The following GRID2 variants were observed in gnomAD, a reference collection of about 807,000 sequenced individuals.
The protein encoded by GRID2 is glutamate receptor ionotropic, delta-2.
In GRID2, 33 loss-of-function variants were observed where a neutral mutation model predicts 114.8. That is an observed-to-expected ratio of 0.29 (90% CI 0.22 to 0.38). GRID2 has a LOEUF of 0.38. Ranked by LOEUF, GRID2 falls within the 10% of genes least tolerant of loss-of-function variation. The pLI, the probability that GRID2 is intolerant of heterozygous loss-of-function variation, is 1.00. For synonymous variants in GRID2, 505 were observed against 449.9 expected (o/e 1.12, Z -1.55); for missense variants, 1,184 against 1,257.7 (o/e 0.94, Z 0.89).
intron 1 of GRID2, among the ~76,000 whole-genome samples, chr4:92,577,870 G>A: frequency 6.6e-6 from 1 of 152,026 alleles, no homozygotes; most frequent in East Asian, 1.9e-4. Context: ...AGGAGCTGAT[G>A]AATGGTTAGA....
intron 4 of GRID2, among the ~76,000 whole-genome samples, chr4:93,191,133 A>G (rs534019390): frequency 6.6e-6 from 1 of 152,196 alleles, no homozygotes; most frequent in Non-Finnish European, 1.5e-5. Context: ...TAGAAGGATG[A>G]AGAAGCACGT....
At chr4:93,042,132 T>G (rs2149269633) in intron 2 of GRID2, among the ~76,000 whole-genome samples, 1 of 152,104 alleles carries the variant, frequency 6.6e-6, no homozygotes, top group African/African-American at 2.4e-5. Flanking sequence ...CTCAATCTTC[T>G]GACCTCGTGA....
chr4:93,788,436 G>A (rs932564802), intron 1 of GRID2, among the ~76,000 whole-genome samples: 1 of 151,922 alleles, frequency 6.6e-6, no homozygotes, highest in African/African-American at 2.4e-5. Flanking sequence ...AAAAAGATAA[G>A]TATGAATATC....
intron 2 of GRID2, among the ~76,000 whole-genome samples, chr4:92,910,189 T>C (rs1280222182): frequency 1.3e-5 from 2 of 151,600 alleles, no homozygotes; most frequent in South Asian, 4.1e-4. Flanking sequence ...ATTTACCCTA[T>C]AGGAGTGGTT....
At chr4:93,101,139 T>C (rs1002053916) in intron 3 of GRID2, among the ~76,000 whole-genome samples, 3 of 152,134 alleles carry the variant, frequency 2.0e-5, no homozygotes, top group Admixed American at 6.6e-5. Flanking sequence ...GTTTCTTAAA[T>C]TTTTAACATT....
At chr4:92,540,091 A>G (rs980798368) in intron 1 of GRID2, among the ~76,000 whole-genome samples, 6 of 152,204 alleles carry the variant, frequency 3.9e-5, no homozygotes, top group Non-Finnish European at 7.3e-5. Context: ...CTGGCTAGCC[A>G]TATGTAGAAA....
intron 8 of GRID2, among the ~76,000 whole-genome samples, chr4:93,359,661 G>T (rs1400996789): frequency 6.7e-6 from 1 of 150,248 alleles, no homozygotes; most frequent in South Asian, 2.1e-4. Context: ...GTGAGAACAT[G>T]TGATGTTTAT....
At chr4:92,854,173 G>A (rs1426307952) in intron 2 of GRID2, among the ~76,000 whole-genome samples, 1 of 151,854 alleles carries the variant, frequency 6.6e-6, no homozygotes, top group East Asian at 1.9e-4. Context: ...GTAGCCATAT[G>A]CAAAAACTCA....
At chr4:93,615,072 C>T (rs1000777800) in intron 13 of GRID2, among the ~76,000 whole-genome samples, 1 of 152,138 alleles carries the variant, frequency 6.6e-6, no homozygotes, top group African/African-American at 2.4e-5. Flanking sequence ...ATTCTGGTGT[C>T]ATTCCAATGT....
intron 11 of GRID2, among the ~76,000 whole-genome samples, chr4:93,483,747 A>T (rs1432630294): frequency 2.6e-5 from 4 of 151,898 alleles, no homozygotes; most frequent in African/African-American, 9.7e-5. Flanking sequence ...GGTCAAGAGG[A>T]TTTTCCTTAA....
At chr4:93,443,557 A>G (rs555792677) in intron 10 of GRID2, among the ~76,000 whole-genome samples, 3 of 152,100 alleles carry the variant, frequency 2.0e-5, no homozygotes, top group South Asian at 4.1e-4. Flanking sequence ...TTGTTCACCT[A>G]TAATCTCAGG....
At chr4:93,371,982 A>C (rs1026032610) in intron 8 of GRID2, among the ~76,000 whole-genome samples, 15 of 151,906 alleles carry the variant, frequency 9.9e-5, no homozygotes, top group Non-Finnish European at 1.6e-4. Flanking sequence ...TCTTGACCTC[A>C]TGATCTGCCA....
intron 12 of GRID2, among the ~76,000 whole-genome samples, chr4:93,505,862 A>C (rs1241122277): frequency 6.6e-6 from 1 of 152,104 alleles, no homozygotes; most frequent in African/African-American, 2.4e-5. Context: ...ATGATGTGAC[A>C]CAATTAGTTT....
rs147874529 is a variant in GRID2, at chr4:92,381,861, G to A, written c.88+77117G>A. 3.9e-3 allele frequency among the ~76,000 whole-genome samples: 587 copies of A among 152,040 alleles called. 1 individual carries two copies. The highest frequency in any genetic ancestry group is 0.012 in the African/African-American group (497 of 41,512). On this transcript the variant is annotated intron_variant, in intron 1 of 15. Transcript: ENST00000282020. The stretch of plus-strand genomic sequence containing the variant: ...TTTTAATTTTGGCAATGATTAGTTA[G>A]CATCCCACTTCATTTCATACTTAGT...
intron 13 of GRID2, among the ~76,000 whole-genome samples, chr4:93,589,098 T>A (rs1316879430): frequency 6.6e-6 from 1 of 152,024 alleles, no homozygotes; most frequent in Non-Finnish European, 1.5e-5. Flanking sequence ...ATGGGCACAT[T>A]GTGCAGGTTA....
intron 2 of GRID2, among the ~76,000 whole-genome samples, chr4:92,784,557 G>C: frequency 6.6e-6 from 1 of 151,520 alleles, no homozygotes; most frequent in Non-Finnish European, 1.5e-5. Context: ...AAATTCTGAG[G>C]TTAAAAATTA....
intron 4 of GRID2, among the ~76,000 whole-genome samples, chr4:93,146,107 G>A (rs1431875170): frequency 6.6e-6 from 1 of 152,016 alleles, no homozygotes; most frequent in African/African-American, 2.4e-5. Flanking sequence ...TCCAGGAATA[G>A]TATGAATTAT....
intron 13 of GRID2, among the ~76,000 whole-genome samples, chr4:93,614,751 G>C (rs1273594469): frequency 6.6e-6 from 1 of 152,080 alleles, no homozygotes; most frequent in African/African-American, 2.4e-5. Context: ...CTGACACCGT[G>C]CTGGATATTT....
At chr4:93,163,080 A>G (rs1041404225) in intron 4 of GRID2, among the ~76,000 whole-genome samples, 1 of 151,844 alleles carries the variant, frequency 6.6e-6, no homozygotes, top group African/African-American at 2.4e-5. Flanking sequence ...AAAATATTCC[A>G]TGGTAAATAA....
Sources: allele counts gnomAD v4.1 joint callset (sites outside exome capture counted in the v4.1 genomes callset), GRCh38; gene constraint gnomAD v4.1.1; transcripts MANE v1.5; gene names NCBI Gene and HGNC (gene_info 2026-07-23, HGNC 2026-07-21).